The following MACROD2 variants were observed in gnomAD, a reference collection of about 807,000 sequenced individuals.
MACROD2 encodes ADP-ribose glycohydrolase MACROD2.
Under a neutral mutation model 70.4 loss-of-function variants are expected in MACROD2, and 36 were observed. That is an observed-to-expected ratio of 0.51 (90% CI 0.39 to 0.68). The LOEUF is 0.68. Among genes scored for constraint, MACROD2 ranks in the 30% least tolerant of loss-of-function variants. The pLI, the probability that MACROD2 is intolerant of heterozygous loss-of-function variation, is 0.00. For missense variants in MACROD2, 496 were observed against 538.4 expected, an observed-to-expected ratio of 0.92 and a Z score of 0.78; for synonymous variants, 172 against 178.8, an observed-to-expected ratio of 0.96 and a Z score of 0.30.
intron 4 of MACROD2, among the ~76,000 whole-genome samples, chr20:14,663,604 T>C (rs951396811): frequency 1.3e-5 from 2 of 151,800 alleles, no homozygotes; most frequent in Non-Finnish European, 2.9e-5. Flanking sequence ...AATGGTCATA[T>C]ATATATGAGG....
At chr20:15,456,207 C>T (rs143225750) in intron 7 of MACROD2, among the ~76,000 whole-genome samples, 155 of 152,260 alleles carry the variant, frequency 1.0e-3, no homozygotes, top group Middle Eastern at 3.4e-3. Flanking sequence ...CCAACTCTCC[C>T]GACATCATCC....
chr20:15,281,667 G>C (rs1056086640), intron 6 of MACROD2, among the ~76,000 whole-genome samples: 3 of 152,212 alleles, frequency 2.0e-5, no homozygotes, highest in African/African-American at 7.2e-5. Context: ...GCCTTTGCAG[G>C]GTACAGCGTC....
intron 5 of MACROD2, among the ~76,000 whole-genome samples, chr20:14,764,074 A>G (rs1176754683): frequency 1.3e-5 from 2 of 152,000 alleles, no homozygotes. Flanking sequence ...TATGTCCCCA[A>G]GAGGCTGATG....
intron 8 of MACROD2, among the ~76,000 whole-genome samples, chr20:15,568,135 T>C (rs1285072012): frequency 1.3e-5 from 2 of 152,204 alleles, no homozygotes; most frequent in African/African-American, 4.8e-5. Flanking sequence ...GTGTTTCCTG[T>C]GGACTTGCTA....
At chr20:15,333,083 C>G (rs998522122) in intron 6 of MACROD2, among the ~76,000 whole-genome samples, 1 of 151,544 alleles carries the variant, frequency 6.6e-6, no homozygotes, top group African/African-American at 2.4e-5. Flanking sequence ...AGAGTTCTTT[C>G]AAGTAGGAAC....
At chr20:14,349,059 C>T (rs904476559) in intron 3 of MACROD2, among the ~76,000 whole-genome samples, 2 of 151,868 alleles carry the variant, frequency 1.3e-5, no homozygotes, top group Non-Finnish European at 2.9e-5. Context: ...CAGAATGAGG[C>T]CCTGTCTCTA....
chr20:14,359,434 A>G (rs1315970451), intron 3 of MACROD2, among the ~76,000 whole-genome samples: 1 of 152,218 alleles, frequency 6.6e-6, no homozygotes, highest in African/African-American at 2.4e-5. Flanking sequence ...TAAAAATAGA[A>G]CTACCATATG....
chr20:15,359,618 A>G (rs2078328938), intron 6 of MACROD2, among the ~76,000 whole-genome samples: 1 of 151,992 alleles, frequency 6.6e-6, no homozygotes, highest in South Asian at 2.1e-4. Context: ...AGTTATCCAA[A>G]GACTATATAA....
At position 14,326,436 on chromosome 20, in the gene MACROD2, G is replaced by A. The variant is rs376427607; in HGVS notation, c.272-167043G>A. The A allele has an allele frequency of 1.9e-6, 3 of 1,613,732 alleles. No homozygotes were observed. The African/African-American group carries it at 4.0e-5, about 22-fold the overall frequency. ...TCTGAATGGTGCTTACAATCCCACT[G>A]TCCTTACAATCAAACAGTTCTGCAT... On this transcript the variant is annotated intron_variant, in intron 3 of 17. Transcript: ENST00000684519. This position sits in a 1 kb window ranked among gnomAD's most constrained non-coding sequence, Gnocchi z 5.5.
At position 15,001,716 on chromosome 20, in the gene MACROD2, AT is replaced by A. The variant is rs553687323; in HGVS notation, c.419-228219del. On this transcript the variant is annotated intron_variant, in intron 5 of 17. Coordinates refer to ENST00000684519, the MANE Select transcript of MACROD2 (RefSeq NM_001351661.2). The stretch of plus-strand genomic sequence containing the variant: ...TTATCTTATTTTTTGTTTTTTTTTA[AT>A]TTTTATTTCTGTAGGTTTTTTGGGA... Among the ~76,000 whole-genome samples the A allele has an allele frequency of 1.7e-3, 261 of 151,462 alleles. 1 individual carries two copies. The highest frequency in any genetic ancestry group is 5.7e-3 in the African/African-American group (237 of 41,232).
intron 5 of MACROD2, among the ~76,000 whole-genome samples, chr20:14,859,441 T>C (rs2073291372): frequency 3.3e-5 from 5 of 152,164 alleles, no homozygotes; most frequent in South Asian, 4.2e-4. Context: ...GTGTGCTTCA[T>C]AAATGCTAGT....
intron 5 of MACROD2, among the ~76,000 whole-genome samples, chr20:14,854,577 A>T (rs1337839220): frequency 2.0e-5 from 3 of 152,152 alleles, no homozygotes; most frequent in Non-Finnish European, 2.9e-5. Flanking sequence ...AATAAAATAG[A>T]TTATATTTTA....
chr20:14,563,898 G>A (rs917118508), intron 4 of MACROD2, among the ~76,000 whole-genome samples: 1 of 151,794 alleles, frequency 6.6e-6, no homozygotes, highest in Non-Finnish European at 1.5e-5. Context: ...GAAAGCAATC[G>A]TAAGCAAAAA....
chr20:14,890,439 A>T (rs2073740072), intron 5 of MACROD2, among the ~76,000 whole-genome samples: 1 of 152,090 alleles, frequency 6.6e-6, no homozygotes, highest in Non-Finnish European at 1.5e-5. Flanking sequence ...TGAAGAAAGT[A>T]CTTTGATGAG....
chr20:14,726,385 C>T (rs1229921360), intron 5 of MACROD2, among the ~76,000 whole-genome samples: 1 of 152,150 alleles, frequency 6.6e-6, no homozygotes, highest in Admixed American at 6.5e-5. Context: ...GCACCTTGTA[C>T]ACAGGAGATC....
intron 9 of MACROD2, among the ~76,000 whole-genome samples, chr20:15,868,675 T>C (rs2064529568): frequency 6.6e-6 from 1 of 151,976 alleles, no homozygotes; most frequent in Non-Finnish European, 1.5e-5. Context: ...CAAAATATGT[T>C]TTAATTTTAG....
At chr20:15,765,114 A>G (rs988426878) in intron 8 of MACROD2, among the ~76,000 whole-genome samples, 4 of 152,142 alleles carry the variant, frequency 2.6e-5, no homozygotes, top group African/African-American at 9.7e-5. Context: ...TAGCTACCCT[A>G]TCAGACATAG....
intron 5 of MACROD2, among the ~76,000 whole-genome samples, chr20:15,150,744 G>A (rs1568602945): frequency 1.3e-5 from 2 of 151,860 alleles, no homozygotes; most frequent in Admixed American, 6.5e-5. Flanking sequence ...AATGAGATGT[G>A]GCTGTAGTCC....
intron 4 of MACROD2, among the ~76,000 whole-genome samples, chr20:14,556,362 C>A (rs1979031403): frequency 6.6e-6 from 1 of 152,124 alleles, no homozygotes; most frequent in African/African-American, 2.4e-5. Flanking sequence ...GGAACTTGAA[C>A]TACAAAGCAG....
Sources: allele counts gnomAD v4.1 joint callset (sites outside exome capture counted in the v4.1 genomes callset), GRCh38; gene constraint gnomAD v4.1.1; non-coding constraint Gnocchi (gnomAD v3.1); transcripts MANE v1.5; gene names NCBI Gene and HGNC (gene_info 2026-07-23, HGNC 2026-07-21).